The following MTUS2 variants were observed in gnomAD, a reference collection of about 807,000 sequenced individuals.
MTUS2 encodes microtubule associated scaffold protein 2.
MTUS2 carries 40 observed loss-of-function variants against 114.1 expected under a neutral mutation model. The observed-to-expected ratio is 0.35, with a 90% confidence interval of 0.27 to 0.46. The LOEUF is 0.46. Ranked by LOEUF, MTUS2 falls within the 20% of genes least tolerant of loss-of-function variation. MTUS2 has a pLI of 1.00. For missense variants in MTUS2, 1,679 were observed against 1,705.4 expected, an observed-to-expected ratio of 0.98 and a Z score of 0.27; for synonymous variants, 688 against 672.0, an observed-to-expected ratio of 1.02 and a Z score of -0.37.
chr13:28,944,075 T>G (rs978825096), intron 2 of MTUS2, among the ~76,000 whole-genome samples: 2 of 152,130 alleles, frequency 1.3e-5, no homozygotes, highest in African/African-American at 4.8e-5. Context: ...TAGAAGATGT[T>G]ACTTCTAGAG....
chr13:29,261,845 T>C (rs1447529330), intron 5 of MTUS2, among the ~76,000 whole-genome samples: 2 of 152,224 alleles, frequency 1.3e-5, no homozygotes, highest in African/African-American at 2.4e-5. Flanking sequence ...CTCAAGCTTT[T>C]AAGTACTTCA....
intron 2 of MTUS2, among the ~76,000 whole-genome samples, chr13:28,943,111 A>G (rs774635242): frequency 3.3e-5 from 5 of 152,174 alleles, no homozygotes; most frequent in Non-Finnish European, 7.3e-5. Flanking sequence ...AGACATTCCT[A>G]TGAATGTGAT....
chr13:29,021,790 G>A (rs541181041), intron 2 of MTUS2, among the ~76,000 whole-genome samples: 11 of 152,290 alleles, frequency 7.2e-5, no homozygotes, highest in East Asian at 5.8e-4. Context: ...CAAGGGAAAC[G>A]CTTTTAAAAT....
At chr13:28,932,132 A>G (rs1035418587) in intron 2 of MTUS2, among the ~76,000 whole-genome samples, 2 of 152,214 alleles carry the variant, frequency 1.3e-5, no homozygotes, top group Non-Finnish European at 2.9e-5. Flanking sequence ...TATAAGCTGC[A>G]GCTCACTGAC....
chr13:29,148,816 G>T (rs1253239638), intron 5 of MTUS2, among the ~76,000 whole-genome samples: 1 of 151,622 alleles, frequency 6.6e-6, no homozygotes, highest in Non-Finnish European at 1.5e-5. Flanking sequence ...GTTTGCTGAG[G>T]ATAATGGCTT....
At chr13:28,849,373 T>C (rs1876100597) in intron 2 of MTUS2, among the ~76,000 whole-genome samples, 1 of 152,228 alleles carries the variant, frequency 6.6e-6, no homozygotes, top group Non-Finnish European at 1.5e-5. Context: ...TCAGCTTTTT[T>C]GCAGAGCTGA....
intron 11 of MTUS2, chr13:29,489,778 A>G (rs1014019997): frequency 6.6e-6 from 1 of 152,246 alleles, no homozygotes; most frequent in Non-Finnish European, 1.5e-5. Context: ...TGAAATAAAG[A>G]AATACATGAT....
chr13:29,270,207 G>A lies in MTUS2; in HGVS notation c.2645-11497G>A, dbSNP rs116599323. Among the ~76,000 whole-genome samples the A allele has an allele frequency of 2.6e-3, 389 of 152,266 alleles. 1 individual carries two copies. The highest frequency in any genetic ancestry group is 9.1e-3 in the African/African-American group (377 of 41,560). On this transcript the variant is annotated intron_variant, in intron 5 of 15. Transcript: ENST00000612955. ...TAAGAGGGCAGGTCTGTTATTAAGT[G>A]CTTTTACCACCATTTTAAAAATGCC...
intron 5 of MTUS2, among the ~76,000 whole-genome samples, chr13:29,269,865 T>A (rs975058229): frequency 6.6e-6 from 1 of 152,178 alleles, no homozygotes; most frequent in African/African-American, 2.4e-5. Flanking sequence ...CAGAATACCA[T>A]AGGGCCTTTG....
Position 29,480,500 on chromosome 13 carries a change from T to G in MTUS2, c.3399+136T>G, listed in dbSNP as rs1881082346. 1 of 964,068 alleles carries G rather than the reference T, an allele frequency of 1.0e-6. No individual in the cohort carries two copies. Among genetic ancestry groups the G allele is most frequent in the Non-Finnish European group, 1.5e-6 (1 of 673,468 alleles). 59.7% of individuals were successfully genotyped at this position (964,068 alleles called of 1,614,324 possible). A position where few individuals can be genotyped will look rare whatever the true frequency, so the allele number is the denominator to read the frequency against. ...ACAGTTCACTTTCTGAGTTGCTTTC[T>G]CCTTTCTCCCCGCTCCTCTCTTCTC... On this transcript the variant is annotated intron_variant, in intron 10 of 15. Coordinates refer to ENST00000612955, the MANE Select transcript of MTUS2 (RefSeq NM_001033602.4). The surrounding 1 kb of genome is among the most constrained non-coding windows in gnomAD (Gnocchi z 4.4).
At chr13:28,839,001 G>GATT (rs544575756) in intron 1 of MTUS2, among the ~76,000 whole-genome samples, 21 of 56,426 alleles carry the variant, frequency 3.7e-4, no homozygotes, top group Non-Finnish European at 7.2e-4. Context: ...TTTCAATCCT[G>GATT]ATTTTTTTTT....
chr13:29,271,086 A>T (rs1897865832), intron 5 of MTUS2, among the ~76,000 whole-genome samples: 1 of 152,202 alleles, frequency 6.6e-6, no homozygotes. Context: ...CTGTAACCTT[A>T]AGCATCCTTC....
At chr13:29,087,770 A>G (rs1309120561) in intron 4 of MTUS2, among the ~76,000 whole-genome samples, 1 of 152,046 alleles carries the variant, frequency 6.6e-6, no homozygotes, top group Non-Finnish European at 1.5e-5. Flanking sequence ...TAGTTTAAGC[A>G]TTTTCTGGCC....
At chr13:29,439,862 T>G (rs964827284) in intron 8 of MTUS2, 121 bp from the exon 9 acceptor site, 2 of 801,360 alleles carry the variant, frequency 2.5e-6, no homozygotes, top group African/African-American at 3.5e-5. Flanking sequence ...AATGTGAAAA[T>G]TATCTCCTTA....
At chr13:29,309,562 C>G (rs1352905585) in intron 6 of MTUS2, among the ~76,000 whole-genome samples, 1 of 124,414 alleles carries the variant, frequency 8.0e-6, no homozygotes, top group Admixed American at 7.5e-5. Context: ...CCTGCACATC[C>G]TGCACATGTA....
chr13:29,233,438 A>G (rs1337993638), intron 5 of MTUS2, among the ~76,000 whole-genome samples: 1 of 152,194 alleles, frequency 6.6e-6, no homozygotes, highest in Non-Finnish European at 1.5e-5. Flanking sequence ...GAAGTATAAC[A>G]GTAAAACTAT....
intron 5 of MTUS2, among the ~76,000 whole-genome samples, chr13:29,189,787 G>A (rs1298218971): frequency 6.6e-6 from 1 of 152,098 alleles, no homozygotes; most frequent in Admixed American, 6.6e-5. Flanking sequence ...ACCTTTGGAA[G>A]GTCTACTTGT....
chr13:29,203,560 GA>G (rs57964712), intron 5 of MTUS2, among the ~76,000 whole-genome samples: 28,050 of 116,038 alleles, frequency 0.24, 2,997 homozygotes, highest in East Asian at 0.55. Flanking sequence ...ACTGGGGTAT[GA>G]AAAAAAAAAA....
At chr13:29,221,598 A>G (rs1439248444) in intron 5 of MTUS2, among the ~76,000 whole-genome samples, 3 of 152,094 alleles carry the variant, frequency 2.0e-5, no homozygotes, top group African/African-American at 7.2e-5. Context: ...TATCCTGGTT[A>G]CTAATCATGT....
Sources: allele counts gnomAD v4.1 joint callset (sites outside exome capture counted in the v4.1 genomes callset), GRCh38; gene constraint gnomAD v4.1.1; non-coding constraint Gnocchi (gnomAD v3.1); transcripts MANE v1.5; gene names NCBI Gene and HGNC (gene_info 2026-07-23, HGNC 2026-07-21).